Variants in SMARCAL1 observed in about 807,000 individuals in gnomAD.
SMARCAL1 encodes the protein SNF2 related chromatin remodeling annealing helicase 1.
Under a neutral mutation model 94.5 loss-of-function variants are expected in SMARCAL1, and 58 were observed. The ratio of observed to expected loss-of-function variants is 0.61; its 90% confidence interval spans 0.50 to 0.76. SMARCAL1 has a LOEUF of 0.76. Among genes scored for constraint, SMARCAL1 ranks in the 30% least tolerant of loss-of-function variants. The pLI, the probability that SMARCAL1 is intolerant of heterozygous loss-of-function variation, is 0.00. For synonymous variants in SMARCAL1, 422 were observed against 455.1 expected (o/e 0.93, Z 0.93); for missense variants, 1,051 against 1,177.9 (o/e 0.89, Z 1.58).
chr2:216,465,077 C>T (rs773452275), intron 13 of SMARCAL1, among the ~76,000 whole-genome samples: 23 of 152,188 alleles, frequency 1.5e-4, no homozygotes, highest in South Asian at 2.1e-4. Context: ...GGAGGGAGGA[C>T]GGTCGAGGCT....
At chr2:216,418,572 A>G (rs1396771069) in intron 4 of SMARCAL1, among the ~76,000 whole-genome samples, 2 of 152,146 alleles carry the variant, frequency 1.3e-5, no homozygotes, top group Admixed American at 6.5e-5. Context: ...ATTTTGCTTT[A>G]GGTATATCTC....
intron 14 of SMARCAL1, among the ~76,000 whole-genome samples, chr2:216,468,927 G>T (rs187156499): frequency 6.6e-6 from 1 of 152,102 alleles, no homozygotes; most frequent in Non-Finnish European, 1.5e-5. Context: ...TGCCCAGGCT[G>T]GTCTTGAACT....
intron 12 of SMARCAL1, among the ~76,000 whole-genome samples, chr2:216,461,010 A>G (rs1042803385): frequency 6.6e-6 from 1 of 151,772 alleles, no homozygotes; most frequent in African/African-American, 2.4e-5. Flanking sequence ...AGATTAAGGA[A>G]TGGTATGTAC....
At chr2:216,477,411 G>T (rs547720343) in intron 16 of SMARCAL1, among the ~76,000 whole-genome samples, 14 of 152,292 alleles carry the variant, frequency 9.2e-5, no homozygotes, top group African/African-American at 2.9e-4. Flanking sequence ...GGCTTGCAGG[G>T]TGCATGCTGA....
At chr2:216,472,498 G>T (rs1384042825) in intron 14 of SMARCAL1, among the ~76,000 whole-genome samples, 1 of 151,912 alleles carries the variant, frequency 6.6e-6, no homozygotes, top group East Asian at 1.9e-4. Flanking sequence ...CAATGAGTGT[G>T]TATTATTTTT....
chr2:216,417,035 T>C (rs1363945264), intron 4 of SMARCAL1, among the ~76,000 whole-genome samples: 1 of 152,220 alleles, frequency 6.6e-6, no homozygotes, highest in Non-Finnish European at 1.5e-5. Flanking sequence ...TTTATTTTAC[T>C]CTTCTCCCCC....
intron 11 of SMARCAL1, among the ~76,000 whole-genome samples, chr2:216,448,257 G>A (rs543083025): frequency 1.4e-3 from 208 of 152,274 alleles, no homozygotes; most frequent in African/African-American, 4.9e-3. Flanking sequence ...AGATTAGACT[G>A]ATGCTATATA....
rs114141421 is a variant in SMARCAL1 at position 216,429,904 on chromosome 2, A to T, written c.1334+1122A>T. 8.0e-3 allele frequency among the ~76,000 whole-genome samples: 1,212 copies of T among 152,146 alleles called. 7 individuals carry two copies. The highest frequency in any genetic ancestry group is 0.014 in the Non-Finnish European group (942 of 67,982). On this transcript the variant is annotated intron_variant, in intron 7 of 17. Transcript: ENST00000357276. ...CCATTCCAATGCTCCAGCTGGTGAGATGTCCTTTGGGCCTTGTTTTAACCA... is the reference window on the plus strand; with the variant it reads ...CCATTCCAATGCTCCAGCTGGTGAGTTGTCCTTTGGGCCTTGTTTTAACCA...
At chr2:216,481,897 T>C (rs913287355) in intron 17 of SMARCAL1, among the ~76,000 whole-genome samples, 9 of 152,186 alleles carry the variant, frequency 5.9e-5, no homozygotes, top group African/African-American at 1.9e-4. Context: ...TGAAAAATGG[T>C]CAAAGTTGGA....
Position 216,475,114 on chromosome 2 carries a change from C to G in SMARCAL1, c.2245-155C>G. ...ATGGCACCTGAGTATAAGCAGTCAT[C>G]TCAATACCAATGTCAATTTGAAAAG... On this transcript the variant is annotated intron_variant, in intron 14 of 17. Coordinates refer to ENST00000357276, the MANE Select transcript of SMARCAL1 (RefSeq NM_014140.4). This position sits in a 1 kb window ranked among gnomAD's most constrained non-coding sequence, Gnocchi z 4.4. 6.6e-6 allele frequency among the ~76,000 whole-genome samples: 1 copy of G among 152,264 alleles called. No homozygotes were observed. Among genetic ancestry groups the G allele is most frequent in the East Asian group, 1.9e-4 (1 of 5,204 alleles).
At position 216,433,890 on chromosome 2, in the gene SMARCAL1, G is replaced by A. The variant is rs565947229; in HGVS notation, c.1485+1022G>A. On this transcript the variant is annotated intron_variant, in intron 8 of 17. Coordinates refer to ENST00000357276, the MANE Select transcript of SMARCAL1 (RefSeq NM_014140.4). ...TCCTCCTACTGCCGGTCAGTCCAAGGCCCAGATGTGCTATTCTGACCGAAG... is the reference window on the plus strand; with the variant it reads ...TCCTCCTACTGCCGGTCAGTCCAAGACCCAGATGTGCTATTCTGACCGAAG... 4.0e-5 allele frequency among the ~76,000 whole-genome samples: 6 copies of A among 149,790 alleles called. No homozygotes were observed. In the South Asian group the frequency reaches 1.1e-3, roughly 26 times the overall value.
chr2:216,417,142 G>T (rs748586192), intron 4 of SMARCAL1, among the ~76,000 whole-genome samples: 11 of 152,236 alleles, frequency 7.2e-5, no homozygotes, highest in Admixed American at 2.6e-4. Flanking sequence ...GGGGTATGAG[G>T]TAGGATTATC....
chr2:216,435,148 G>A (rs187956625), intron 8 of SMARCAL1, among the ~76,000 whole-genome samples, 190 bp from the exon 9 acceptor site: 3 of 152,042 alleles, frequency 2.0e-5, no homozygotes, highest in African/African-American at 4.8e-5. Context: ...GTGAGCGACC[G>A]CACCCGTCTC....
intron 7 of SMARCAL1, among the ~76,000 whole-genome samples, chr2:216,431,179 A>C (rs1167350404): frequency 6.6e-6 from 1 of 152,260 alleles, no homozygotes; most frequent in African/African-American, 2.4e-5. Flanking sequence ...TTTGCTGCCC[A>C]GTTTTCCATC....
chr2:216,439,402 G>A (rs1163979229), intron 10 of SMARCAL1, among the ~76,000 whole-genome samples: 5 of 151,970 alleles, frequency 3.3e-5, no homozygotes, highest in Non-Finnish European at 7.4e-5. Context: ...CTTTTCTCTT[G>A]TAACAAGTTA....
chr2:216,432,284 G>C (rs1273753994), intron 7 of SMARCAL1, among the ~76,000 whole-genome samples: 1 of 152,024 alleles, frequency 6.6e-6, no homozygotes, highest in African/African-American at 2.4e-5. Context: ...ATGAGCCACC[G>C]CGCCCGACCC....
chr2:216,482,673 G>T lies in SMARCAL1; in HGVS notation c.2626-65G>T. On this transcript the variant is annotated intron_variant, in intron 17 of 17. Coordinates refer to ENST00000357276, the MANE Select transcript of SMARCAL1 (RefSeq NM_014140.4). The surrounding 1 kb of genome is among the most constrained non-coding windows in gnomAD (Gnocchi z 4.3). ...TTTATATTCTCTCATCAGCCCTAGTGGAGGAGAGTCAGTGTTGGAGCCTGG... is the reference window on the plus strand; with the variant it reads ...TTTATATTCTCTCATCAGCCCTAGTTGAGGAGAGTCAGTGTTGGAGCCTGG... 6.2e-7 allele frequency: 1 copy of T among 1,605,384 alleles called. No homozygotes were observed.
intron 12 of SMARCAL1, 86 bp from the exon 13 acceptor site, chr2:216,464,510 TA>T: frequency 1.0e-6 from 1 of 983,528 alleles, no homozygotes; most frequent in Non-Finnish European, 1.6e-6. Flanking sequence ...TTGAGATTTG[TA>T]AAGCGCATAG....
intron 10 of SMARCAL1, among the ~76,000 whole-genome samples, chr2:216,442,208 G>A (rs1694211025): frequency 6.6e-6 from 1 of 152,088 alleles, no homozygotes; most frequent in African/African-American, 2.4e-5. Flanking sequence ...CCCGAGGTCA[G>A]GAGTTTGAGA....
Sources: allele counts gnomAD v4.1 joint callset (sites outside exome capture counted in the v4.1 genomes callset), GRCh38; gene constraint gnomAD v4.1.1; non-coding constraint Gnocchi (gnomAD v3.1); transcripts MANE v1.5; gene names NCBI Gene and HGNC (gene_info 2026-07-23, HGNC 2026-07-21).